KCNIP1: variants seen among roughly 807,000 people sequenced by gnomAD.
KCNIP1 encodes A-type potassium channel modulatory protein KCNIP1.
A neutral mutation model predicts 33.0 loss-of-function variants in KCNIP1; 18 were observed. That is an observed-to-expected ratio of 0.55 (90% confidence interval 0.38 to 0.81). KCNIP1 has a LOEUF of 0.81. KCNIP1 is among the 30% of genes least tolerant of loss of function. KCNIP1 has a pLI of 0.00. For synonymous variants in KCNIP1, 93 were observed against 98.3 expected, an observed-to-expected ratio of 0.95 and a Z score of 0.32; for missense variants, 238 against 271.6, an observed-to-expected ratio of 0.88 and a Z score of 0.87.
intron 1 of KCNIP1, among the ~76,000 whole-genome samples, chr5:170,706,877 G>A (rs1026272100): frequency 2.6e-5 from 4 of 151,892 alleles, no homozygotes; most frequent in South Asian, 4.2e-4. Flanking sequence ...CTTATATCCC[G>A]CAGAAATATT....
chr5:170,540,634 G>A (rs572774184), intron 1 of KCNIP1, among the ~76,000 whole-genome samples: 1 of 152,300 alleles, frequency 6.6e-6, no homozygotes, highest in Admixed American at 6.5e-5. Context: ...AGTAATGCAG[G>A]ATGCACTGTG....
chr5:170,355,609 T>A (rs1763326261), intron 1 of KCNIP1, among the ~76,000 whole-genome samples: 2 of 152,126 alleles, frequency 1.3e-5, no homozygotes, highest in South Asian at 2.1e-4. Flanking sequence ...TGGGGCAGAC[T>A]AAGGAGTGCC....
chr5:170,362,590 G>A (rs1346553428), intron 1 of KCNIP1, among the ~76,000 whole-genome samples: 1 of 152,050 alleles, frequency 6.6e-6, no homozygotes, highest in Non-Finnish European at 1.5e-5. Flanking sequence ...CTACAGGGAG[G>A]GGAGAAAAAA....
intron 1 of KCNIP1, among the ~76,000 whole-genome samples, chr5:170,693,404 C>T (rs560232001): frequency 5.4e-4 from 82 of 152,212 alleles, no homozygotes; most frequent in Non-Finnish European, 1.1e-3. Flanking sequence ...GCTGTGCATC[C>T]TCTGTGTGCC....
intron 1 of KCNIP1, among the ~76,000 whole-genome samples, chr5:170,556,206 A>G (rs1278534599): frequency 6.6e-6 from 1 of 152,166 alleles, no homozygotes; most frequent in Non-Finnish European, 1.5e-5. Context: ...CACATCCCCC[A>G]TGTCAAACAG....
intron 5 of KCNIP1, among the ~76,000 whole-genome samples, chr5:170,727,414 A>G (rs558844482): frequency 1.3e-5 from 2 of 152,324 alleles, no homozygotes; most frequent in South Asian, 2.1e-4. Context: ...GTCAACATTC[A>G]TCAAACAGTA....
At chr5:170,507,014 C>T (rs1334161440) in intron 1 of KCNIP1, among the ~76,000 whole-genome samples, 1 of 152,228 alleles carries the variant, frequency 6.6e-6, no homozygotes, top group East Asian at 1.9e-4. Flanking sequence ...GTCACTTTTC[C>T]CCACTGGGGC....
intron 1 of KCNIP1, among the ~76,000 whole-genome samples, chr5:170,692,518 G>A (rs1286019167): frequency 2.0e-5 from 3 of 152,202 alleles, no homozygotes; most frequent in Admixed American, 6.5e-5. Context: ...TTACATTAAA[G>A]AATTACAGAA....
intron 1 of KCNIP1, among the ~76,000 whole-genome samples, chr5:170,630,769 T>C (rs1581420530): frequency 6.6e-6 from 1 of 152,182 alleles, no homozygotes. Context: ...TGGGGAGGAA[T>C]GGGAGGAAAG....
intron 1 of KCNIP1, among the ~76,000 whole-genome samples, chr5:170,612,012 C>T (rs1358988483): frequency 6.6e-6 from 1 of 152,196 alleles, no homozygotes; most frequent in African/African-American, 2.4e-5. Context: ...AGTTCATGTT[C>T]AAGTGAATAA....
intron 5 of KCNIP1, among the ~76,000 whole-genome samples, chr5:170,726,063 A>G (rs1440785301): frequency 6.6e-6 from 1 of 152,190 alleles, no homozygotes; most frequent in African/African-American, 2.4e-5. Flanking sequence ...ACAACTTTGG[A>G]GTAGGAAAGG....
intron 1 of KCNIP1, among the ~76,000 whole-genome samples, chr5:170,713,905 T>C (rs1581534608): frequency 6.6e-6 from 1 of 151,754 alleles, no homozygotes; most frequent in East Asian, 1.9e-4. Context: ...ACACCTGTAA[T>C]CCCAGCTACT....
intron 1 of KCNIP1, among the ~76,000 whole-genome samples, chr5:170,370,030 C>T (rs1763800973): frequency 6.6e-6 from 1 of 152,036 alleles, no homozygotes; most frequent in Non-Finnish European, 1.5e-5. Flanking sequence ...AAGTTCAAAG[C>T]AAAGATAGGC....
intron 1 of KCNIP1, among the ~76,000 whole-genome samples, chr5:170,406,111 G>A (rs1755032862): frequency 6.6e-6 from 1 of 152,260 alleles, no homozygotes; most frequent in African/African-American, 2.4e-5. Flanking sequence ...TGCATTTATA[G>A]TTACTATGTT....
At chr5:170,513,118 CA>C (rs1755002536) in intron 1 of KCNIP1, among the ~76,000 whole-genome samples, 1 of 151,836 alleles carries the variant, frequency 6.6e-6, no homozygotes, top group African/African-American at 2.4e-5. Context: ...ACAAGATCAC[CA>C]GATGGTTTAT....
chr5:170,690,201 C>T (rs573195973), intron 1 of KCNIP1, among the ~76,000 whole-genome samples: 1 of 152,292 alleles, frequency 6.6e-6, no homozygotes, highest in Admixed American at 6.5e-5. Flanking sequence ...TTCCTCACAC[C>T]TTGGAATGCA....
intron 1 of KCNIP1, among the ~76,000 whole-genome samples, chr5:170,574,853 C>T (rs1372877620): frequency 6.6e-6 from 1 of 152,170 alleles, no homozygotes; most frequent in Non-Finnish European, 1.5e-5. Flanking sequence ...AACTGGAGTC[C>T]CTGGAGAACA....
intron 1 of KCNIP1, among the ~76,000 whole-genome samples, chr5:170,622,532 G>T (rs1759642989): frequency 6.7e-6 from 1 of 149,910 alleles, no homozygotes. Flanking sequence ...TGAGGCAAGA[G>T]AATTGCTTGA....
At chr5:170,477,323 C>CAT (rs1000816477) in intron 1 of KCNIP1, among the ~76,000 whole-genome samples, 146 of 149,588 alleles carry the variant, frequency 9.8e-4, no homozygotes, top group African/African-American at 3.0e-3. Context: ...ATATATATTA[C>CAT]ATATATATAT....
Sources: allele counts gnomAD v4.1 joint callset (sites outside exome capture counted in the v4.1 genomes callset), GRCh38; gene constraint gnomAD v4.1.1; transcripts MANE v1.5; gene names NCBI Gene and HGNC (gene_info 2026-07-23, HGNC 2026-07-21).